BBS2: variants seen among roughly 807,000 people sequenced by gnomAD.
BBS2 encodes BBSome complex member BBS2.
A neutral mutation model predicts 83.0 loss-of-function variants in BBS2; 62 were observed. The ratio of observed to expected loss-of-function variants is 0.75; its 90% CI spans 0.61 to 0.92. The LOEUF (loss-of-function observed/expected upper bound fraction) is 0.92. Ranked by LOEUF, BBS2 falls within the 40% of genes least tolerant of loss-of-function variation. The pLI is 0.00. For missense variants in BBS2, 784 were observed against 901.0 expected, an observed-to-expected ratio of 0.87 and a Z score of 1.66; for synonymous variants, 303 against 326.1, an observed-to-expected ratio of 0.93 and a Z score of 0.76.
chr16:56,519,510 C>A (rs1312982356), intron 1 of BBS2: 2 of 542,080 alleles, frequency 3.7e-6, no homozygotes, highest in African/African-American at 3.8e-5. Flanking sequence ...CCAGGGACCC[C>A]GACCTCGCCT....
intron 9 of BBS2, chr16:56,501,942 T>G (rs1964287810): frequency 5.3e-6 from 2 of 377,096 alleles, no homozygotes; most frequent in Admixed American, 7.9e-5. Flanking sequence ...ATATTGTTCT[T>G]GCCTTTTGTC....
chr16:56,501,879 T>C (rs1167542163), intron 9 of BBS2: 1 of 359,946 alleles, frequency 2.8e-6, no homozygotes, highest in African/African-American at 2.1e-5. Flanking sequence ...ACACAGTTTT[T>C]ACAGTTGTCT....
intron 17 of BBS2, chr16:56,477,129 CAA>C (rs376333831): frequency 2.1e-5 from 3 of 139,972 alleles, no homozygotes; most frequent in Non-Finnish European, 3.1e-5. Flanking sequence ...AACTCTGTCT[CAA>C]AAAAAAAAAA....
chr16:56,497,586 T>C lies in BBS2; in HGVS notation c.1797+157A>G, dbSNP rs533582357. 3 of 915,470 alleles carry C rather than the reference T, an allele frequency of 3.3e-6. No homozygotes were observed. In the East Asian group the frequency reaches 7.5e-5, roughly 23 times the overall value. 56.7% of individuals were successfully genotyped at this position (915,470 alleles called of 1,614,324 possible). ...TCCTTTTATAAAATAAATCCTTAAGTAGTAAACTCTCCAATACTAGTTCAA... is the reference window on the plus strand; with the variant it reads ...TCCTTTTATAAAATAAATCCTTAAGCAGTAAACTCTCCAATACTAGTTCAA... On this transcript the variant is annotated intron_variant, in intron 14 of 16. Transcript: ENST00000245157.
intron 15 of BBS2, among the ~76,000 whole-genome samples, chr16:56,487,082 C>T (rs766131569): frequency 3.3e-5 from 5 of 151,504 alleles, no homozygotes; most frequent in African/African-American, 1.2e-4. Flanking sequence ...TCCTATATCT[C>T]GATTGTAGTA....
chr16:56,470,959 T>A (rs979509618), intron 17 of BBS2, among the ~76,000 whole-genome samples: 2 of 152,128 alleles, frequency 1.3e-5, no homozygotes, highest in African/African-American at 4.8e-5. Flanking sequence ...TACATTCTAG[T>A]AGAAGAAGAC....
rs1207765703 is a variant in BBS2 at position 56,502,773 on chromosome 16, G to A, written c.840C>T (p.Ile280=). The change falls in exon 8 of 17, where the codon ATC becomes ATT. Residue 280 remains isoleucine (I), a synonymous_variant. Coordinates refer to ENST00000245157, the MANE Select transcript of BBS2 (RefSeq NM_031885.5). ...TTGCAGAAGAAAAATTGTCCTTAAA[G>A]ATGACCTCCCCAGTTCGGTCACTTC... is the stretch of plus-strand genomic sequence containing the variant. ...DARSDRTGEV[I]FKDNFSSAIA... 1.9e-6 allele frequency: 3 copies of A among 1,614,158 alleles called. No individual in the cohort carries two copies. In the East Asian group the frequency reaches 6.7e-5, roughly 36 times the overall value.
intron 9 of BBS2, 102 bp from the exon 10 acceptor site, chr16:56,501,599 G>A: frequency 7.1e-7 from 1 of 1,404,368 alleles, no homozygotes; most frequent in Non-Finnish European, 1.0e-6. Flanking sequence ...AGAGCCTCCA[G>A]CATATTATTA....
At position 56,485,598 on chromosome 16, in the gene BBS2, C is replaced by A. The variant is rs138913160; in HGVS notation, c.2051G>T (p.Arg684Leu). 2.5e-5 allele frequency: 40 copies of A among 1,613,982 alleles called. No homozygotes were observed. The highest frequency in any genetic ancestry group is 3.3e-5 in the Non-Finnish European group (39 of 1,179,980). Reference protein sequence around the residue: ...AVNQAIQRAGRLRVGKPKNQV... With the variant: ...AVNQAIQRAGLLRVGKPKNQV... The stretch of plus-strand genomic sequence containing the variant: ...TATGAAAAGAGACTTACCCCGCAGA[C>A]GACCTGCTCTTTGAATTGCTTGATT... Residue 684 changes from arginine to leucine, a missense_variant, in exon 16 of 17, where the codon CGT becomes CTT. By Grantham distance (102) the Arg-to-Leu change is moderately radical. Coordinates refer to ENST00000245157, the MANE Select transcript of BBS2 (RefSeq NM_031885.5).
At chr16:56,476,179 G>A in intron 17 of BBS2, 3 of 1,612,210 alleles carry the variant, frequency 1.9e-6, no homozygotes, top group Non-Finnish European at 2.5e-6. Flanking sequence ...AGGTTTCTGG[G>A]ACTTTTCATT....
At chr16:56,474,621 A>G (rs1963369461) in intron 17 of BBS2, among the ~76,000 whole-genome samples, 1 of 152,028 alleles carries the variant, frequency 6.6e-6, no homozygotes, top group Non-Finnish European at 1.5e-5. Flanking sequence ...TGCCCGGCCC[A>G]AAATTCAACT....
chr16:56,472,730 T>C (rs569866453), intron 17 of BBS2, among the ~76,000 whole-genome samples: 1 of 152,368 alleles, frequency 6.6e-6, no homozygotes, highest in Admixed American at 6.5e-5. Context: ...CATATACATG[T>C]ATACACATAT....
At chr16:56,519,680 G>A in intron 1 of BBS2, 66 bp downstream of exon 1, 1 of 1,352,190 alleles carries the variant, frequency 7.4e-7, no homozygotes, top group Non-Finnish European at 1.0e-6. Flanking sequence ...GGGATCCCAG[G>A]GGCGCGGCCG....
intron 13 of BBS2, 89 bp downstream of exon 13, chr16:56,498,348 G>T: frequency 6.5e-7 from 1 of 1,531,214 alleles, no homozygotes; most frequent in Non-Finnish European, 9.0e-7. Flanking sequence ...CACCACATGA[G>T]AAATCTATGC....
chr16:56,497,982 A>G (rs1964160538), intron 13 of BBS2, 102 bp from the exon 14 acceptor site: 10 of 831,422 alleles, frequency 1.2e-5, no homozygotes, highest in Non-Finnish European at 1.8e-5. Flanking sequence ...ATTATTGTGC[A>G]TATATATATA....
chr16:56,502,743 G>A lies in BBS2; in HGVS notation c.870C>T (p.Ala290=), dbSNP rs750516217. ...IFKDNFSSAI[A]GVVEGDYRMD... Reference sequence around the variant, plus strand: ...TCCGGTAATCTCCCTCTACCACACCGGCAATTGCAGAAGAAAAATTGTCCT... The same window carrying A: ...TCCGGTAATCTCCCTCTACCACACCAGCAATTGCAGAAGAAAAATTGTCCT... Residue 290 remains alanine (A), a synonymous_variant, in exon 8 of 17, where the codon GCC becomes GCT. Coordinates refer to ENST00000245157, the MANE Select transcript of BBS2 (RefSeq NM_031885.5). The A allele has an allele frequency of 3.3e-5, 54 of 1,613,872 alleles. No individual in the cohort carries two copies. The highest frequency in any genetic ancestry group is 2.2e-4 in the East Asian group (10 of 44,888).
At chr16:56,504,423 G>A (rs1201417936) in intron 7 of BBS2, among the ~76,000 whole-genome samples, 1 of 152,190 alleles carries the variant, frequency 6.6e-6, no homozygotes, top group Admixed American at 6.5e-5. Context: ...CCAACTGGGA[G>A]GTTTTACCCT....
In BBS2 at chr16:56,506,049, T is replaced by C; in HGVS notation, c.718-13A>G. ...CATGATTTTTCGACTGAAAAAGAAT[T>C]TTAATAATTAGCACAGAAGTCTCAC... On this transcript the variant is annotated splice_polypyrimidine_tract_variant and intron_variant, in intron 6 of 16. Transcript: ENST00000245157. The C allele has an allele frequency of 6.2e-7, 1 of 1,613,254 alleles. No homozygotes were observed. The highest frequency in any genetic ancestry group is 8.5e-7 in the Non-Finnish European group (1 of 1,179,294).
chr16:56,497,915 T>A, intron 13 of BBS2, 35 bp from the exon 14 acceptor site: 1 of 1,601,218 alleles, frequency 6.2e-7, no homozygotes, highest in South Asian at 1.1e-5. Context: ...TTTAGCATCC[T>A]CAGATGTTAG....
Sources: gnomAD v4.1 joint callset for allele counts (sites outside exome capture counted in the v4.1 genomes callset) on GRCh38, gnomAD v4.1.1 for gene constraint, MANE v1.5 for transcripts, NCBI Gene and HGNC (gene_info 2026-07-23, HGNC 2026-07-21) for gene names.